The following SH3D19 variants were observed in gnomAD, a reference collection of about 807,000 sequenced individuals.
SH3D19 encodes the protein SH3 domain-containing protein 19.
In SH3D19, 58 loss-of-function variants were observed where a neutral mutation model predicts 112.1. The observed-to-expected ratio is 0.52, with a 90% CI of 0.42 to 0.64. The LOEUF (loss-of-function observed/expected upper bound fraction) is 0.64. Ranked by LOEUF, SH3D19 falls within the 30% of genes least tolerant of loss-of-function variation. The pLI is 0.00. For synonymous variants in SH3D19, 391 were observed against 448.5 expected, an observed-to-expected ratio of 0.87 and a Z score of 1.62; for missense variants, 1,090 against 1,263.4, an observed-to-expected ratio of 0.86 and a Z score of 2.08.
intron 1 of SH3D19, among the ~76,000 whole-genome samples, chr4:151,230,784 T>C (rs2149956181): frequency 6.6e-6 from 1 of 152,180 alleles, no homozygotes; most frequent in Admixed American, 6.5e-5. Context: ...TTTCACCATA[T>C]TGGCCAGGCT....
At chr4:151,284,067 C>G (rs1018824357) in intron 1 of SH3D19, among the ~76,000 whole-genome samples, 4 of 152,118 alleles carry the variant, frequency 2.6e-5, no homozygotes, top group Admixed American at 2.6e-4. Flanking sequence ...TGCATTTATC[C>G]TATTTGGGGT....
In SH3D19 at chr4:151,253,761, AAAC is replaced by A. The variant is rs368369876; in HGVS notation, c.113-27678_113-27676del. On this transcript the variant is annotated intron_variant, in intron 1 of 19. Coordinates refer to ENST00000604030, the MANE Select transcript of SH3D19 (RefSeq NM_001378122.1). ...GTCTCAAAAAAAAAAAAAAACAAGA[AAAC>A]AACAACAACAACAACAACAAAAAAG... Among the ~76,000 whole-genome samples, 260 of 151,784 alleles carry A rather than the reference AAAC, an allele frequency of 1.7e-3. 1 individual carries two copies. The highest frequency in any genetic ancestry group is 5.3e-3 in the African/African-American group (220 of 41,336).
chr4:151,311,456 A>G (rs1017283512), intron 1 of SH3D19, among the ~76,000 whole-genome samples: 1 of 152,134 alleles, frequency 6.6e-6, no homozygotes, highest in Non-Finnish European at 1.5e-5. Flanking sequence ...CCTGGAGGAC[A>G]TTATGCTAAG....
At chr4:151,257,324 G>A (rs916057399) in intron 1 of SH3D19, among the ~76,000 whole-genome samples, 45 of 152,264 alleles carry the variant, frequency 3.0e-4, no homozygotes, top group African/African-American at 1.1e-3. Flanking sequence ...CTGACCTCAG[G>A]TGATCCACCC....
Position 151,229,110 on chromosome 4 carries a change from G to A in SH3D19, c.113-3024C>T, listed in dbSNP as rs189887944. On this transcript the variant is annotated intron_variant, in intron 1 of 19. Coordinates refer to ENST00000604030, the MANE Select transcript of SH3D19 (RefSeq NM_001378122.1). ...TGGTCTCAAACTTCGGGACTCAAGC[G>A]ATCCTCCTGCCTTGGCCTCCCAAAG... is the stretch of plus-strand genomic sequence containing the variant. Among the ~76,000 whole-genome samples, 558 of 150,158 alleles carry A rather than the reference G, an allele frequency of 3.7e-3. 5 individuals are homozygous for A. The highest frequency in any genetic ancestry group is 0.013 in the African/African-American group (526 of 40,840).
chr4:151,280,303 A>C (rs552988363), intron 1 of SH3D19, among the ~76,000 whole-genome samples: 2 of 152,162 alleles, frequency 1.3e-5, no homozygotes, highest in African/African-American at 4.8e-5. Flanking sequence ...GAGTGTCCCT[A>C]TGGAGAGGCC....
intron 9 of SH3D19, among the ~76,000 whole-genome samples, chr4:151,154,364 C>T (rs1468991575): frequency 6.6e-6 from 1 of 150,636 alleles, no homozygotes; most frequent in African/African-American, 2.5e-5. Flanking sequence ...GAACTCCCGA[C>T]CTCAGGCGAT....
intron 13 of SH3D19, among the ~76,000 whole-genome samples, chr4:151,138,686 T>TCA (rs1177218801): frequency 0.012 from 626 of 54,128 alleles, 3 homozygotes; most frequent in South Asian, 0.073. Context: ...AGATCTTGTC[T>TCA]CACACACACA....
chr4:151,127,647 C>T lies in SH3D19; in HGVS notation c.2998G>A (p.Gly1000Arg). 6.2e-7 allele frequency: 1 copy of T among 1,605,250 alleles called. No homozygotes were observed. Among genetic ancestry groups the T allele is most frequent in the Non-Finnish European group, 8.5e-7 (1 of 1,176,974 alleles). The change falls in exon 19 of 20, where the codon GGG (glycine) becomes AGG (arginine). Residue 1000 changes from glycine (G) to arginine (R), a missense_variant. By Grantham distance (125) the Gly-to-Arg change is moderately radical (BLOSUM62 -2). Coordinates refer to ENST00000604030, the MANE Select transcript of SH3D19 (RefSeq NM_001378122.1). ...RKAKALYDFR[G>R]ENEDELSFKA... ...AAGGAAAGTTCATCTTCATTCTCCC[C>T]TCGGAAATCATATAAGGCTTTGGCC...
At chr4:151,124,204 T>C (rs1748659732) in intron 19 of SH3D19, among the ~76,000 whole-genome samples, 1 of 152,012 alleles carries the variant, frequency 6.6e-6, no homozygotes, top group African/African-American at 2.4e-5. Context: ...CCTCCCAGGT[T>C]CAAGAGATTC....
At chr4:151,276,741 A>C (rs1050215998) in intron 1 of SH3D19, among the ~76,000 whole-genome samples, 1 of 152,228 alleles carries the variant, frequency 6.6e-6, no homozygotes, top group Non-Finnish European at 1.5e-5. Context: ...TAACACTGTA[A>C]CAGAAATGAA....
intron 1 of SH3D19, chr4:151,226,585 A>C (rs1769042174): frequency 1.8e-6 from 1 of 569,392 alleles, no homozygotes; most frequent in Non-Finnish European, 2.2e-6. Context: ...AGAACATTTC[A>C]GAAGTTGGAT....
intron 9 of SH3D19, among the ~76,000 whole-genome samples, chr4:151,159,033 C>T (rs1036297974): frequency 6.6e-6 from 1 of 152,082 alleles, no homozygotes; most frequent in Non-Finnish European, 1.5e-5. Flanking sequence ...TAGTGAAGTA[C>T]AATGAATTGG....
Position 151,174,937 on chromosome 4 carries a change from A to C in SH3D19, c.1267T>G (p.Leu423Val). Residue 423 changes from leucine to valine, a missense_variant, in exon 7 of 20, where the codon TTG becomes GTG. Coordinates refer to ENST00000604030, the MANE Select transcript of SH3D19 (RefSeq NM_001378122.1). The part of the protein sequence containing the change: ...KKVPTPAPRP[L>V]LLKKSVSSEN... The stretch of plus-strand genomic sequence containing the variant: ...GAGGAAACAGATTTCTTCAGCAGCA[A>C]AGGCCGCGGGGCAGGAGTTGGCACT... The C allele has an allele frequency of 1.2e-6, 2 of 1,613,872 alleles. No homozygotes were observed. The highest frequency in any genetic ancestry group is 1.1e-5 in the South Asian group (1 of 91,062).
chr4:151,251,708 C>T (rs1771422204), intron 1 of SH3D19, among the ~76,000 whole-genome samples: 1 of 152,190 alleles, frequency 6.6e-6, no homozygotes, highest in South Asian at 2.1e-4. Flanking sequence ...CTGAAAACCT[C>T]ACCCTGCTTG....
chr4:151,231,045 C>A (rs1029034391), intron 1 of SH3D19, among the ~76,000 whole-genome samples: 23 of 152,058 alleles, frequency 1.5e-4, no homozygotes, highest in Admixed American at 7.2e-4. Context: ...CTATATAAAC[C>A]CTTTGTGCCA....
At chr4:151,127,129 T>G (rs1220557162) in intron 19 of SH3D19, among the ~76,000 whole-genome samples, 1 of 152,098 alleles carries the variant, frequency 6.6e-6, no homozygotes. Context: ...GCCAGGATGG[T>G]CTCGATCTCC....
chr4:151,273,417 C>G (rs927487387), intron 1 of SH3D19, among the ~76,000 whole-genome samples: 1 of 151,634 alleles, frequency 6.6e-6, no homozygotes, highest in East Asian at 2.0e-4. Context: ...GGTGAAAACC[C>G]GTCTCTACTA....
At chr4:151,232,141 G>A (rs527674059) in intron 1 of SH3D19, among the ~76,000 whole-genome samples, 11 of 152,268 alleles carry the variant, frequency 7.2e-5, no homozygotes, top group South Asian at 2.1e-4. Context: ...CTGAGGTCAC[G>A]CCACTGCACT....
Sources: allele counts gnomAD v4.1 joint callset (sites outside exome capture counted in the v4.1 genomes callset), GRCh38; gene constraint gnomAD v4.1.1; transcripts MANE v1.5; gene names NCBI Gene and HGNC (gene_info 2026-07-23, HGNC 2026-07-21).